The following GALNT9 variants were observed in gnomAD, a reference collection of about 807,000 sequenced individuals.
GALNT9 encodes GalNAc transferase 9.
A neutral mutation model predicts 63.1 loss-of-function variants in GALNT9; 47 were observed. The observed-to-expected ratio is 0.75, with a 90% CI of 0.59 to 0.95. The LOEUF is 0.95. Ranked by LOEUF, GALNT9 falls within the 40% of genes least tolerant of loss-of-function variation. The probability of loss-of-function intolerance (pLI) is 0.00; values close to 1 mark genes in which losing one functional copy is unlikely to be tolerated. For synonymous variants in GALNT9, 396 were observed against 365.7 expected (o/e 1.08, Z -0.94); for missense variants, 829 against 874.8 (o/e 0.95, Z 0.66).
chr12:132,211,636 C>T (rs766949981), intron 6 of GALNT9, among the ~76,000 whole-genome samples: 5 of 152,192 alleles, frequency 3.3e-5, no homozygotes, highest in Admixed American at 2.0e-4. Flanking sequence ...CTGTCTCCAC[C>T]GTGGTTTTCC....
At position 132,218,490 on chromosome 12, in the gene GALNT9, G is replaced by A. The variant is rs75083439; in HGVS notation, c.1078-14800C>T. ...GTGCATACCTTTGAGAGATTTCATT[G>A]AACCTGATTTTTAAAAAAGATTTAC... On this transcript the variant is annotated intron_variant, in intron 6 of 10. Transcript: ENST00000328957. Among the ~76,000 whole-genome samples the A allele has an allele frequency of 6.6e-4, 101 of 152,292 alleles. 1 individual carries two copies. The East Asian group carries it at 0.015, about 22-fold the overall frequency.
At chr12:132,199,315 G>C in intron 8 of GALNT9, 46 bp from the exon 9 acceptor site, 1 of 1,415,432 alleles carries the variant, frequency 7.1e-7, no homozygotes, top group Non-Finnish European at 9.9e-7. Context: ...ACCCGAGGGT[G>C]CGGCCCCAGG....
At chr12:132,197,620 G>T (rs1025520877) in intron 10 of GALNT9, among the ~76,000 whole-genome samples, 172 bp downstream of exon 10, 2 of 149,430 alleles carry the variant, frequency 1.3e-5, no homozygotes, top group Non-Finnish European at 2.9e-5. Context: ...TGCCCTCTCT[G>T]TGAGCGTCGG....
chr12:132,264,980 T>A (rs1385604285), intron 2 of GALNT9, among the ~76,000 whole-genome samples: 3 of 152,184 alleles, frequency 2.0e-5, no homozygotes, highest in Non-Finnish European at 4.4e-5. Context: ...TCGCAGGTCG[T>A]ACGAGGGAGA....
intron 1 of GALNT9, among the ~76,000 whole-genome samples, chr12:132,309,403 A>C (rs1444798207): frequency 1.3e-5 from 2 of 152,146 alleles, no homozygotes; most frequent in Non-Finnish European, 2.9e-5. Context: ...TGGTGGGTTG[A>C]ATGAGGGCCC....
intron 7 of GALNT9, among the ~76,000 whole-genome samples, chr12:132,202,437 G>T (rs1376098146): frequency 1.3e-5 from 2 of 152,218 alleles, no homozygotes; most frequent in African/African-American, 4.8e-5. Context: ...GCAGTGAATG[G>T]TCCAGCCCGG....
chr12:132,280,989 TCTGCAGCCAGCCCC>T (rs1270052024), intron 2 of GALNT9: 3 of 152,298 alleles, frequency 2.0e-5, no homozygotes, highest in Admixed American at 1.3e-4. Context: ...CGATGCGTGG[TCTGCAGCCAGCCCC>T]CTGCAGCCAG....
intron 2 of GALNT9, among the ~76,000 whole-genome samples, chr12:132,267,801 G>A (rs61943947): frequency 3.5e-3 from 128 of 36,074 alleles, no homozygotes; most frequent in South Asian, 0.017. Flanking sequence ...GCACTCACAC[G>A]CACTCACACA....
intron 6 of GALNT9, among the ~76,000 whole-genome samples, chr12:132,214,208 C>T (rs1054247911): frequency 3.9e-5 from 6 of 152,192 alleles, no homozygotes; most frequent in South Asian, 4.1e-4. Context: ...TGGAGAACCA[C>T]GCCTGTGATT....
At position 132,247,807 on chromosome 12, in the gene GALNT9, CCCCGT is replaced by C. The variant is rs1565999042; in HGVS notation, c.1077+98_1077+102del. 18 of 1,495,008 alleles carry C rather than the reference CCCCGT, an allele frequency of 1.2e-5. No homozygotes were observed. In the East Asian group the frequency reaches 4.4e-4, roughly 37 times the overall value. 92.6% of individuals were successfully genotyped at this position (1,495,008 alleles called of 1,614,324 possible). The stretch of plus-strand genomic sequence containing the variant: ...GACGCTGCAGCCACACTCGCCCTCA[CCCCGT>C]CCCCGGACACCGCGGCCTCACTCGC... On this transcript the variant is annotated intron_variant, in intron 6 of 10. Transcript: ENST00000328957.
At chr12:132,239,743 C>T (rs2136897396) in intron 6 of GALNT9, among the ~76,000 whole-genome samples, 5 of 151,750 alleles carry the variant, frequency 3.3e-5, no homozygotes, top group African/African-American at 1.2e-4. Context: ...CTGGGAGAGA[C>T]AGAGACAGAG....
chr12:132,196,502 C>G lies in GALNT9; in HGVS notation c.*605G>C. 1 of 985,600 alleles carries G rather than the reference C, an allele frequency of 1.0e-6. No homozygotes were observed. The highest frequency in any genetic ancestry group is 1.2e-6 in the Non-Finnish European group (1 of 830,034). 61.1% of individuals were successfully genotyped at this position (985,600 alleles called of 1,614,324 possible). A position where few individuals can be genotyped will look rare whatever the true frequency, so the allele number is the denominator to read the frequency against. On this transcript the variant is annotated 3_prime_UTR_variant, in exon 11 of 11. Coordinates refer to ENST00000328957, the MANE Select transcript of GALNT9 (RefSeq NM_001122636.2). ...AGCTCGGCTCCCAGGAAGACACACACAGTGCTGCTGCCTAATCCTCTCTTT... is the reference window on the plus strand; with the variant it reads ...AGCTCGGCTCCCAGGAAGACACACAGAGTGCTGCTGCCTAATCCTCTCTTT...
intron 1 of GALNT9, among the ~76,000 whole-genome samples, chr12:132,295,854 C>T (rs76481750): frequency 1.6e-4 from 11 of 70,532 alleles, no homozygotes; most frequent in African/African-American, 6.4e-4. Flanking sequence ...CGAACAGGGA[C>T]GGCCTCCGAA....
At position 132,295,194 on chromosome 12, in the gene GALNT9, C is replaced by T. The variant is rs143796206; in HGVS notation, c.239-8764G>A. Among the ~76,000 whole-genome samples the T allele has an allele frequency of 4.6e-3, 702 of 152,324 alleles. 2 individuals carry two copies. Among genetic ancestry groups the T allele is most frequent in the African/African-American group, 0.012 (515 of 41,586 alleles). On this transcript the variant is annotated intron_variant, in intron 1 of 10. Coordinates refer to ENST00000328957, the MANE Select transcript of GALNT9 (RefSeq NM_001122636.2). Reference sequence around the variant, plus strand: ...CCAGCGGGGCCTTCAGACGGGCACCCGGAGAGTTTGCTCTGCTCTTCCCAC... The same window carrying T: ...CCAGCGGGGCCTTCAGACGGGCACCTGGAGAGTTTGCTCTGCTCTTCCCAC...
At chr12:132,247,620 GCCCTCACCCCATCCCCAGACGCCA>G (rs1555238097) in intron 6 of GALNT9, 1 of 541,802 alleles carries the variant, frequency 1.8e-6, no homozygotes, top group African/African-American at 1.9e-5. Flanking sequence ...AGCCACACTC[GCCCTCACCCCATCCCCAGACGCCA>G]TGGCCGCACT....
In GALNT9 at chr12:132,197,862, C is replaced by T. The variant is rs1472665104; in HGVS notation, c.1595G>A (p.Gly532Asp). The T allele has an allele frequency of 6.2e-7, 1 of 1,609,472 alleles. No homozygotes were observed. Among genetic ancestry groups the T allele is most frequent in the South Asian group, 1.1e-5 (1 of 90,188 alleles). The change falls in exon 10 of 11, where the codon GGC becomes GAC. Residue 532 changes from glycine (G) to aspartate (D), a missense_variant. Physicochemically the swap from Gly to Asp is moderately conservative, Grantham distance 94 (BLOSUM62 -1). Transcript: ENST00000328957. ...ACACTTCTTCAGGGTGGGCATGCGG[C>T]CCGTGCCGTCATCCACCAGACACTT... Reference protein sequence around the residue: ...DSKCLVDDGTGRMPTLKKCED... With the variant: ...DSKCLVDDGTDRMPTLKKCED...
rs1869198372 is a variant in GALNT9 at position 132,329,372 on chromosome 12, C to T, written c.-169G>A. On this transcript the variant is annotated 5_prime_UTR_variant, in exon 1 of 11. Coordinates refer to ENST00000328957, the MANE Select transcript of GALNT9 (RefSeq NM_001122636.2). ...CCAGCTCAGCGCGCCGGGCCACGGCCGCCGGGGGTCCCCCAGAGCGCAGAG... is the reference window on the plus strand; with the variant it reads ...CCAGCTCAGCGCGCCGGGCCACGGCTGCCGGGGGTCCCCCAGAGCGCAGAG... The T allele has an allele frequency of 2.0e-6, 2 of 1,010,418 alleles. No homozygotes were observed. Among genetic ancestry groups the T allele is most frequent in the African/African-American group, 1.7e-5 (1 of 58,704 alleles). 62.6% of individuals were successfully genotyped at this position (1,010,418 alleles called of 1,614,324 possible).
intron 6 of GALNT9, among the ~76,000 whole-genome samples, chr12:132,228,482 A>G (rs36172678): frequency 1.4e-5 from 2 of 138,752 alleles, no homozygotes; most frequent in Admixed American, 1.4e-4. Context: ...CAGGGCGGCC[A>G]GTCAGCACCT....
intron 1 of GALNT9, among the ~76,000 whole-genome samples, chr12:132,311,399 CGGGCAGGGGCAGCAG>C (rs1881808105): frequency 6.6e-6 from 1 of 152,138 alleles, no homozygotes; most frequent in Admixed American, 6.5e-5. Context: ...AGGAGCAGCA[CGGGCAGGGGCAGCAG>C]GGGCAGGGGT....
Sources: gnomAD v4.1 joint callset for allele counts (sites outside exome capture counted in the v4.1 genomes callset) on GRCh38, gnomAD v4.1.1 for gene constraint, MANE v1.5 for transcripts, NCBI Gene and HGNC (gene_info 2026-07-23, HGNC 2026-07-21) for gene names.